Variants in CLCN7 observed in about 807,000 individuals in gnomAD.
CLCN7 encodes the protein Cl-/H+ antiporter 7, also known as H(+)/Cl(-) exchange transporter 7.
A neutral mutation model predicts 102.1 loss-of-function variants in CLCN7; 60 were observed. That is an observed-to-expected ratio of 0.59 (90% CI 0.48 to 0.73). The LOEUF (loss-of-function observed/expected upper bound fraction) is 0.73. Among genes scored for constraint, CLCN7 ranks in the 30% least tolerant of loss-of-function variants. The pLI is 0.00. For missense variants in CLCN7, 962 were observed against 1,125.7 expected (o/e 0.85, Z 2.08); for synonymous variants, 560 against 490.5 (o/e 1.14, Z -1.87).
Position 1,450,686 on chromosome 16 carries a change from GA to G in CLCN7, c.1448-21del, listed in dbSNP as rs1567265972. On this transcript the variant is annotated intron_variant, in intron 16 of 24. Transcript: ENST00000382745. ...AGGAGCCTAGGAGAGAAGAGGGGCT[GA>G]CGGGGCCTCCACGACTCCCGCCTCC... 1.3e-6 allele frequency: 2 copies of G among 1,547,374 alleles called. No individual in the cohort carries two copies. Among genetic ancestry groups the G allele is most frequent in the Non-Finnish European group, 1.8e-6 (2 of 1,139,778 alleles).
At chr16:1,449,443 T>A in intron 17 of CLCN7, 116 bp from the exon 18 acceptor site, 1 of 924,106 alleles carries the variant, frequency 1.1e-6, no homozygotes. Flanking sequence ...GGAACAAACC[T>A]CGTGGCCGCG....
At chr16:1,450,218 G>A (rs1382346975) in intron 17 of CLCN7, 3 of 504,984 alleles carry the variant, frequency 5.9e-6, no homozygotes, top group Non-Finnish European at 1.1e-5. Context: ...AATCACCTCT[G>A]CTTTTCATCA....
In CLCN7 at chr16:1,446,586, G is replaced by A. The variant is rs2038647264; in HGVS notation, c.*45C>T. 1 of 1,485,176 alleles carries A rather than the reference G, an allele frequency of 6.7e-7. No homozygotes were observed. The highest frequency in any genetic ancestry group is 1.2e-5 in the South Asian group (1 of 83,016). 92.0% of individuals were successfully genotyped at this position (1,485,176 alleles called of 1,614,324 possible). On this transcript the variant is annotated 3_prime_UTR_variant, in exon 25 of 25. Coordinates refer to ENST00000382745, the MANE Select transcript of CLCN7 (RefSeq NM_001287.6). ...GTGACTCCGGGAGGAAATGCAGAAG[G>A]GCCGGGGTGCCAGCGCCAGTGCCCA...
rs368252479 is a variant in CLCN7 at position 1,460,550 on chromosome 16, G to C, written c.485-23C>G. The C allele has an allele frequency of 1.3e-5, 21 of 1,582,020 alleles. No homozygotes were observed. In the African/African-American group the frequency reaches 2.8e-4, roughly 21 times the overall value. Reference sequence around the variant, plus strand: ...TATCTGGGGCTCATCAAGGAGGGCTGGCTGCTTCCCCGTCATGACCACCCA... The same window carrying C: ...TATCTGGGGCTCATCAAGGAGGGCTCGCTGCTTCCCCGTCATGACCACCCA... On this transcript the variant is annotated intron_variant, in intron 5 of 24. Transcript: ENST00000382745.
intron 18 of CLCN7, 23 bp from the exon 19 acceptor site, chr16:1,449,116 C>G (rs780121333): frequency 6.2e-7 from 1 of 1,612,554 alleles, no homozygotes; most frequent in Non-Finnish European, 8.5e-7. Context: ...TCATGAACCC[C>G]AGCACGTCCA....
At chr16:1,450,723 C>A in intron 16 of CLCN7, 57 bp from the exon 17 acceptor site, 1 of 1,226,518 alleles carries the variant, frequency 8.2e-7, no homozygotes, top group Non-Finnish European at 1.1e-6. Flanking sequence ...GCAGGACTGC[C>A]CTGCCCCGCT....
chr16:1,449,065 C>G lies in CLCN7; in HGVS notation c.1698G>C (p.Leu566=). The G allele has an allele frequency of 6.2e-7, 1 of 1,612,834 alleles. No homozygotes were observed. Among genetic ancestry groups the G allele is most frequent in the Non-Finnish European group, 8.5e-7 (1 of 1,180,008 alleles). Residue 566 remains leucine, a synonymous_variant, in exon 19 of 25, where the codon CTG becomes CTC. Coordinates refer to ENST00000382745, the MANE Select transcript of CLCN7 (RefSeq NM_001287.6). The part of the protein sequence containing the change: ...LGGIVRMTLS[L]TVIMMEATSN... ...TGGTGGCCTCCATCATGATGACGGT[C>G]AGGCTCAGTGTCATCCGCACAATCC...
intron 1 of CLCN7, among the ~76,000 whole-genome samples, chr16:1,470,136 T>G (rs2039057215): frequency 1.3e-5 from 2 of 152,238 alleles, no homozygotes; most frequent in African/African-American, 4.8e-5. Flanking sequence ...CCCTACTGAC[T>G]GCACTCACGG....
chr16:1,474,604 C>T (rs1596233754), intron 1 of CLCN7, among the ~76,000 whole-genome samples: 2 of 152,226 alleles, frequency 1.3e-5, no homozygotes, highest in African/African-American at 4.8e-5. Flanking sequence ...CCGCCTCGCC[C>T]ACGCAGCCCT....
chr16:1,465,959 T>C (rs556785826), intron 1 of CLCN7, among the ~76,000 whole-genome samples: 1 of 152,272 alleles, frequency 6.6e-6, no homozygotes, highest in East Asian at 1.9e-4. Flanking sequence ...CACCCCAGTC[T>C]CCGGCTCCTT....
At chr16:1,446,959 AG>A in intron 24 of CLCN7, 46 bp downstream of exon 24, 1 of 1,489,956 alleles carries the variant, frequency 6.7e-7, no homozygotes. Context: ...CAGGAGGCAG[AG>A]GGGAGCCCTG....
chr16:1,459,185 C>CGGCT lies in CLCN7; in HGVS notation c.595-2_596dup (p.Val200AlafsTer166). The CGGCT allele has an allele frequency of 6.2e-7, 1 of 1,613,028 alleles. No homozygotes were observed. The stretch of plus-strand genomic sequence containing the variant: ...GGGGGATTCCGCTGCCAGCAGCCAC[C>CGGCT]GGCTGAAAGAGGGGAAGCACGGCTG... On this transcript the variant is annotated frameshift_variant and splice_region_variant, in exon 7 of 25. Transcript: ENST00000382745. LOFTEE classifies it high-confidence loss of function.
chr16:1,468,542 T>C (rs1452520733), intron 1 of CLCN7, among the ~76,000 whole-genome samples: 7 of 152,216 alleles, frequency 4.6e-5, no homozygotes, highest in African/African-American at 7.2e-5. Context: ...CACTAGATGC[T>C]GTTCCTCAAA....
chr16:1,453,709 G>T, intron 14 of CLCN7, 125 bp downstream of exon 14: 2 of 906,644 alleles, frequency 2.2e-6, no homozygotes, highest in East Asian at 2.5e-5. Context: ...CAGGAAGGAC[G>T]CTGCATACAC....
At chr16:1,448,788 A>T (rs1466452764) in intron 19 of CLCN7, 22 bp from the exon 20 acceptor site, 1 of 1,608,252 alleles carries the variant, frequency 6.2e-7, no homozygotes, top group Non-Finnish European at 8.5e-7. Context: ...GCGGGAACAC[A>T]GGGCTTGAGG....
rs1338829369 is a variant in CLCN7, at chr16:1,445,123, C to T, written c.*1508G>A. 6.6e-6 allele frequency: 1 copy of T among 152,036 alleles called. No individual in the cohort carries two copies. The highest frequency in any genetic ancestry group is 1.5e-5 in the Non-Finnish European group (1 of 67,932). The allele number at this position is 152,036 out of a possible 1,614,324, so 9.4% of individuals were successfully genotyped here. A position where few individuals can be genotyped will look rare whatever the true frequency, so the allele number is the denominator to read the frequency against. On this transcript the variant is annotated 3_prime_UTR_variant, in exon 25 of 25. Transcript: ENST00000382745. ...GGCCCGCCCCCCTCCACCTGGAGCG[C>T]CTCTGCCTTGCCCCCAGACCCACCA...
intron 1 of CLCN7, among the ~76,000 whole-genome samples, chr16:1,465,910 C>T (rs1030177983): frequency 6.6e-6 from 1 of 152,232 alleles, no homozygotes; most frequent in Admixed American, 6.5e-5. Context: ...GGGCAGCGGG[C>T]CCTGGGTGGC....
chr16:1,449,769 G>C (rs1299242421), intron 17 of CLCN7: 1 of 266,216 alleles, frequency 3.8e-6, no homozygotes, highest in Admixed American at 5.0e-5. Context: ...GAACATTCTA[G>C]AAGTGGTAGT....
At chr16:1,454,860 G>A (rs1274773595) in intron 12 of CLCN7, among the ~76,000 whole-genome samples, 1 of 152,224 alleles carries the variant, frequency 6.6e-6, no homozygotes, top group Non-Finnish European at 1.5e-5. Context: ...GAGAGCGGCT[G>A]CTGCACGTGC....
Sources: gnomAD v4.1 joint callset for allele counts (sites outside exome capture counted in the v4.1 genomes callset) on GRCh38, gnomAD v4.1.1 for gene constraint, MANE v1.5 for transcripts, NCBI Gene and HGNC (gene_info 2026-07-23, HGNC 2026-07-21) for gene names.